NCOR2: variants seen among roughly 807,000 people sequenced by gnomAD.
The protein encoded by NCOR2 is CTG repeat protein 26.
In NCOR2, 81 loss-of-function variants were observed where a neutral mutation model predicts 262.9. The ratio of observed to expected loss-of-function variants is 0.31; its 90% CI spans 0.26 to 0.37. The LOEUF is 0.37. NCOR2 is among the 10% of genes least tolerant of loss of function. The pLI, the probability that NCOR2 is intolerant of heterozygous loss-of-function variation, is 1.00. For synonymous variants in NCOR2, 1,659 were observed against 1,559.3 expected, an observed-to-expected ratio of 1.06 and a Z score of -1.51; for missense variants, 3,385 against 3,621.4, an observed-to-expected ratio of 0.93 and a Z score of 1.68.
intron 1 of NCOR2, among the ~76,000 whole-genome samples, chr12:124,528,386 G>T (rs1357142915): frequency 6.6e-6 from 1 of 152,174 alleles, no homozygotes; most frequent in African/African-American, 2.4e-5. Context: ...TCCCCGAAAA[G>T]TCATCTTAGC....
intron 5 of NCOR2, among the ~76,000 whole-genome samples, chr12:124,460,061 C>T (rs2046085579): frequency 6.6e-6 from 1 of 152,226 alleles, no homozygotes; most frequent in South Asian, 2.1e-4. Context: ...GCAGGGCGGT[C>T]CACCTCCCTC....
At chr12:124,466,592 G>C (rs1593669996) in intron 4 of NCOR2, among the ~76,000 whole-genome samples, 1 of 152,110 alleles carries the variant, frequency 6.6e-6, no homozygotes, top group South Asian at 2.1e-4. Flanking sequence ...ATCAGTAAAC[G>C]GGGCTGATTG....
chr12:124,468,123 T>A (rs1356722992), intron 4 of NCOR2, among the ~76,000 whole-genome samples: 1 of 30,346 alleles, frequency 3.3e-5, no homozygotes. Context: ...TCATCACCCC[T>A]TCATCCTCAT....
At chr12:124,508,760 C>G (rs2049199611) in intron 1 of NCOR2, among the ~76,000 whole-genome samples, 1 of 152,180 alleles carries the variant, frequency 6.6e-6, no homozygotes, top group African/African-American at 2.4e-5. Flanking sequence ...ACTATAAAAC[C>G]AACCCAATAA....
intron 10 of NCOR2, among the ~76,000 whole-genome samples, chr12:124,428,044 AGTGTGTGT>A (rs55965573): frequency 0.025 from 2,845 of 112,472 alleles, 95 homozygotes; most frequent in African/African-American, 0.067. Flanking sequence ...CCATGTGGCC[AGTGTGTGT>A]GTGTGTGTGT....
chr12:124,488,798 G>A (rs544264028), intron 1 of NCOR2, among the ~76,000 whole-genome samples: 5 of 152,316 alleles, frequency 3.3e-5, no homozygotes, highest in South Asian at 4.1e-4. Flanking sequence ...GAAGCAGGGC[G>A]GACGGTCCAG....
At position 124,378,459 on chromosome 12, in the gene NCOR2, T is replaced by A; in HGVS notation, c.2020-75A>T. 7.0e-7 allele frequency: 1 copy of A among 1,434,994 alleles called. No individual in the cohort carries two copies. Among genetic ancestry groups the A allele is most frequent in the Non-Finnish European group, 9.3e-7 (1 of 1,072,172 alleles). The allele number at this position is 1,434,994 out of a possible 1,614,324, so 88.9% of individuals were successfully genotyped here. A position where few individuals can be genotyped will look rare whatever the true frequency, so the allele number is the denominator to read the frequency against. ...TCGGGGACTCCCCATGCCTGGGGCCTCGCCGCAGGTGCAAAGGGCAGTGAT... is the reference window on the plus strand; with the variant it reads ...TCGGGGACTCCCCATGCCTGGGGCCACGCCGCAGGTGCAAAGGGCAGTGAT... On this transcript the variant is annotated intron_variant, in intron 17 of 46. Transcript: ENST00000405201. The surrounding 1 kb of genome is among the most constrained non-coding windows in gnomAD (Gnocchi z 4.2).
At chr12:124,492,414 G>A (rs2048138943) in intron 1 of NCOR2, among the ~76,000 whole-genome samples, 1 of 152,172 alleles carries the variant, frequency 6.6e-6, no homozygotes, top group African/African-American at 2.4e-5. Context: ...CTCCAGGGAA[G>A]ACCTGCCATC....
At chr12:124,412,286 C>T (rs7309449) in intron 13 of NCOR2, among the ~76,000 whole-genome samples, 2 of 152,120 alleles carry the variant, frequency 1.3e-5, no homozygotes, top group African/African-American at 2.4e-5. Context: ...CACATGGTGT[C>T]GGGGTGACAG....
At chr12:124,398,610 C>A (rs565603274) in intron 15 of NCOR2, among the ~76,000 whole-genome samples, 1 of 152,350 alleles carries the variant, frequency 6.6e-6, no homozygotes, top group African/African-American at 2.4e-5. Context: ...GGGCCGGGAC[C>A]TCATCTGACC....
Position 124,396,322 on chromosome 12 carries a change from A to G in NCOR2, c.1876+1797T>C, listed in dbSNP as rs566478146. Among the ~76,000 whole-genome samples, 8 of 152,366 alleles carry G rather than the reference A, an allele frequency of 5.3e-5. No homozygotes were observed. In the South Asian group the frequency reaches 1.7e-3, roughly 32 times the overall value. ...CTGAGATGTTCACTTTCCAGTGGTTAGAATGCTGAGCTTCGTGCCATGTGT... is the reference window on the plus strand; with the variant it reads ...CTGAGATGTTCACTTTCCAGTGGTTGGAATGCTGAGCTTCGTGCCATGTGT... On this transcript the variant is annotated intron_variant, in intron 16 of 46. Coordinates refer to ENST00000405201, the Ensembl canonical transcript of NCOR2.
chr12:124,368,834 G>C lies in NCOR2; in HGVS notation c.2807+3188C>G, dbSNP rs1026879286. Among the ~76,000 whole-genome samples, 13 of 152,370 alleles carry C rather than the reference G, an allele frequency of 8.5e-5. No homozygotes were observed. The South Asian group carries it at 2.7e-3, about 32-fold the overall frequency. On this transcript the variant is annotated intron_variant, in intron 20 of 46. Coordinates refer to ENST00000405201, the Ensembl canonical transcript of NCOR2. ...GCCCTCACTAGAATGTAAGTGCCTGGAGTCAGGGCCTTGTCTGTGCAGTTT... is the reference window on the plus strand; with the variant it reads ...GCCCTCACTAGAATGTAAGTGCCTGCAGTCAGGGCCTTGTCTGTGCAGTTT...
At position 124,416,605 on chromosome 12, in the gene NCOR2, ACCCCGCGGCACAGGGAGT is replaced by A. The variant is rs1238644229; in HGVS notation, c.1482+3334_1482+3351del. On this transcript the variant is annotated intron_variant, in intron 13 of 46. Transcript: ENST00000405201. ...CAGGGAGTCCCCGCGGCACAGATAGACCCCGCGGCACAGGGAGTCCCCGCGGCACAGATAGACCCGTGG... is the reference window on the plus strand; with the variant it reads ...CAGGGAGTCCCCGCGGCACAGATAGACCCCGCGGCACAGATAGACCCGTGG... 3.3e-4 allele frequency among the ~76,000 whole-genome samples: 47 copies of A among 141,258 alleles called. 1 individual carries two copies. In the South Asian group the frequency reaches 7.2e-3, roughly 22 times the overall value. 92.7% of individuals were successfully genotyped at this position (141,258 alleles called of 152,430 possible).
At chr12:124,532,670 C>CA (rs2050872693) in intron 1 of NCOR2, among the ~76,000 whole-genome samples, 1 of 152,228 alleles carries the variant, frequency 6.6e-6, no homozygotes, top group Admixed American at 6.5e-5. Context: ...GCAGATAACT[C>CA]AGCCACAGGA....
intron 1 of NCOR2, among the ~76,000 whole-genome samples, chr12:124,550,603 AT>A (rs1339291715): frequency 1.3e-5 from 2 of 152,106 alleles, no homozygotes; most frequent in Non-Finnish European, 2.9e-5. Context: ...ACGTGGTTGT[AT>A]TTTTTATGTG....
At chr12:124,473,213 C>A in intron 3 of NCOR2, 82 bp from the exon 6 acceptor site, 1 of 1,500,878 alleles carries the variant, frequency 6.7e-7, no homozygotes. Flanking sequence ...TTAATACTGT[C>A]AACCTGATTG....
At chr12:124,452,070 C>T (rs2045580942) in intron 6 of NCOR2, among the ~76,000 whole-genome samples, 1 of 152,244 alleles carries the variant, frequency 6.6e-6, no homozygotes, top group South Asian at 2.1e-4. Flanking sequence ...TCAGGCTCCC[C>T]TCCCAAGGTT....
chr12:124,473,322 C>G (rs1761335653), intron 3 of NCOR2, among the ~76,000 whole-genome samples, 191 bp from the exon 6 acceptor site: 1 of 152,162 alleles, frequency 6.6e-6, no homozygotes, highest in Non-Finnish European at 1.5e-5. Context: ...GCAGACCCAC[C>G]CTTAATCTGT....
At chr12:124,348,310 G>T (rs750903727) in exon 29 of NCOR2, 20 of 1,606,448 alleles carry the variant, frequency 1.2e-5, no homozygotes, top group Non-Finnish European at 1.7e-5. Context: ...TCACAGACAT[G>T]CCACCTGGAA....
Sources: gnomAD v4.1 joint callset for allele counts (sites outside exome capture counted in the v4.1 genomes callset) on GRCh38, gnomAD v4.1.1 for gene constraint, Gnocchi (gnomAD v3.1) non-coding constraint, MANE v1.5 for transcripts, NCBI Gene and HGNC (gene_info 2026-07-23, HGNC 2026-07-21) for gene names.